The following LDLRAD4 variants were observed in gnomAD, a reference collection of about 807,000 sequenced individuals.
The protein encoded by LDLRAD4 is low-density lipoprotein receptor class A domain-containing protein 4.
In LDLRAD4, 5 loss-of-function variants were observed where a neutral mutation model predicts 17.0. The observed-to-expected ratio is 0.29, with a 90% CI of 0.15 to 0.62. LDLRAD4 has a LOEUF of 0.62. Among genes scored for constraint, LDLRAD4 ranks in the 20% least tolerant of loss-of-function variants. The pLI, the probability that LDLRAD4 is intolerant of heterozygous loss-of-function variation, is 0.84. For synonymous variants in LDLRAD4, 168 were observed against 171.8 expected, an observed-to-expected ratio of 0.98 and a Z score of 0.17; for missense variants, 340 against 424.7, an observed-to-expected ratio of 0.80 and a Z score of 1.75.
intron 1 of LDLRAD4, among the ~76,000 whole-genome samples, chr18:13,269,973 G>T (rs2044434858): frequency 6.6e-6 from 1 of 152,156 alleles, no homozygotes; most frequent in Non-Finnish European, 1.5e-5. Flanking sequence ...AGTATTTGTA[G>T]AGGAGTCAAG....
At chr18:13,613,072 G>A in intron 3 of LDLRAD4, 1 of 285,382 alleles carries the variant, frequency 3.5e-6, no homozygotes, top group Non-Finnish European at 6.6e-6. Context: ...TCAAATGTCT[G>A]TATATAAGGC....
At chr18:13,495,473 T>C (rs1267422258) in intron 3 of LDLRAD4, among the ~76,000 whole-genome samples, 1 of 152,248 alleles carries the variant, frequency 6.6e-6, no homozygotes, top group Non-Finnish European at 1.5e-5. Context: ...GCTTTGGTGC[T>C]GTCCCTTGCG....
At chr18:13,483,164 A>G (rs1460265475) in intron 3 of LDLRAD4, among the ~76,000 whole-genome samples, 1 of 152,136 alleles carries the variant, frequency 6.6e-6, no homozygotes, top group African/African-American at 2.4e-5. Flanking sequence ...GCATGTTTTC[A>G]GGACAGGTTT....
chr18:13,305,406 AG>A (rs1344310565), intron 1 of LDLRAD4, among the ~76,000 whole-genome samples: 1 of 152,228 alleles, frequency 6.6e-6, no homozygotes, highest in Non-Finnish European at 1.5e-5. Flanking sequence ...AAGTTTTTTC[AG>A]TATCCACTTA....
intron 1 of LDLRAD4, among the ~76,000 whole-genome samples, chr18:13,325,709 C>A (rs1254534255): frequency 1.3e-5 from 2 of 152,222 alleles, no homozygotes; most frequent in African/African-American, 2.4e-5. Context: ...TGGAGCCAAC[C>A]CCAGTTTCCT....
chr18:13,563,269 G>A (rs1356771751), intron 3 of LDLRAD4, among the ~76,000 whole-genome samples: 1 of 152,176 alleles, frequency 6.6e-6, no homozygotes, highest in Admixed American at 6.5e-5. Flanking sequence ...AATCCATAGA[G>A]CGTTTTTTAG....
At chr18:13,242,753 G>A (rs936335309) in intron 1 of LDLRAD4, among the ~76,000 whole-genome samples, 2 of 152,124 alleles carry the variant, frequency 1.3e-5, no homozygotes, top group Non-Finnish European at 2.9e-5. Flanking sequence ...ACGTCAATAG[G>A]GTACATTGTA....
intron 4 of LDLRAD4, among the ~76,000 whole-genome samples, chr18:13,641,179 T>C (rs1016335118): frequency 1.3e-5 from 2 of 152,208 alleles, no homozygotes; most frequent in Non-Finnish European, 2.9e-5. Context: ...TAGCTGGGCA[T>C]GGTGATTTCA....
chr18:13,632,974 T>G (rs2041800824), intron 4 of LDLRAD4, among the ~76,000 whole-genome samples: 2 of 151,494 alleles, frequency 1.3e-5, no homozygotes, highest in Admixed American at 1.3e-4. Flanking sequence ...GGTAGCTCCT[T>G]TCTGTAGGCA....
At chr18:13,506,218 CTT>C (rs539769795) in intron 3 of LDLRAD4, among the ~76,000 whole-genome samples, 2,039 of 88,164 alleles carry the variant, frequency 0.023, 49 homozygotes, top group African/African-American at 0.061. Flanking sequence ...GCTGTTTCCT[CTT>C]TTTTTTTTTT....
At chr18:13,446,129 C>G (rs974617069) in intron 3 of LDLRAD4, among the ~76,000 whole-genome samples, 1 of 152,058 alleles carries the variant, frequency 6.6e-6, no homozygotes, top group Non-Finnish European at 1.5e-5. Context: ...TGCTGTTTGC[C>G]GAGTGCTCAC....
At chr18:13,560,873 C>T (rs866789503) in intron 3 of LDLRAD4, among the ~76,000 whole-genome samples, 3 of 152,206 alleles carry the variant, frequency 2.0e-5, no homozygotes, top group Admixed American at 1.3e-4. Flanking sequence ...CTTGGAAGGG[C>T]TTGCAGGTGA....
rs2083477470 is a variant in LDLRAD4 at position 13,358,592 on chromosome 18, A to G, written c.-382-28749A>G. 1.3e-5 allele frequency among the ~76,000 whole-genome samples: 2 copies of G among 152,210 alleles called. 1 individual carries two copies. Among genetic ancestry groups the G allele is most frequent in the South Asian group, 4.1e-4 (2 of 4,830 alleles). ...CCTATTTATCCCTCAAATGTGATAA[A>G]TCAAATTTATCCCATTTATCCCTCA... On this transcript the variant is annotated intron_variant, in intron 1 of 5. Transcript: ENST00000359446.
chr18:13,464,862 G>A (rs1231908098), intron 3 of LDLRAD4, among the ~76,000 whole-genome samples: 1 of 135,858 alleles, frequency 7.4e-6, no homozygotes, highest in East Asian at 2.3e-4. Flanking sequence ...ACAGAAAAAT[G>A]AGGCTCCGTG....
At chr18:13,563,718 T>G (rs529022618) in intron 3 of LDLRAD4, among the ~76,000 whole-genome samples, 1 of 152,030 alleles carries the variant, frequency 6.6e-6, no homozygotes, top group Admixed American at 6.5e-5. Context: ...AATAAACACT[T>G]AAGTGCCTGG....
chr18:13,518,994 G>C lies in LDLRAD4; in HGVS notation c.181+80610G>C, dbSNP rs370051283. On this transcript the variant is annotated intron_variant, in intron 3 of 5. Transcript: ENST00000359446. ...TCAGCTTTCTTCAGCAGCAGTGTTC[G>C]TTGTGGGAGCCCCGCAGTGGAAATG... Among the ~76,000 whole-genome samples the C allele has an allele frequency of 5.3e-5, 8 of 152,274 alleles. No individual in the cohort carries two copies. In the East Asian group the frequency reaches 1.5e-3, roughly 29 times the overall value.
chr18:13,452,431 G>A (rs765829414), intron 3 of LDLRAD4, among the ~76,000 whole-genome samples: 11 of 152,156 alleles, frequency 7.2e-5, no homozygotes, highest in Non-Finnish European at 1.3e-4. Context: ...GGTGGTGGGT[G>A]CACTAGAGAG....
At chr18:13,394,088 A>C (rs911254742) in intron 2 of LDLRAD4, among the ~76,000 whole-genome samples, 2 of 152,222 alleles carry the variant, frequency 1.3e-5, no homozygotes, top group Non-Finnish European at 2.9e-5. Context: ...AGGGAAGTTA[A>C]GTTTGCTGAG....
intron 4 of LDLRAD4, among the ~76,000 whole-genome samples, chr18:13,635,926 C>G (rs1426333822): frequency 8.5e-6 from 1 of 117,726 alleles, no homozygotes; most frequent in Non-Finnish European, 1.7e-5. Context: ...GAGAAGACAG[C>G]TATGCTGTGT....
Sources: allele counts gnomAD v4.1 joint callset (sites outside exome capture counted in the v4.1 genomes callset), GRCh38; gene constraint gnomAD v4.1.1; transcripts MANE v1.5; gene names NCBI Gene and HGNC (gene_info 2026-07-23, HGNC 2026-07-21).